Variants in GFPT1 observed in about 807,000 individuals in gnomAD.
The protein encoded by GFPT1 is glutamine--fructose-6-phosphate aminotransferase [isomerizing] 1.
Under a neutral mutation model 92.0 loss-of-function variants are expected in GFPT1, and 40 were observed. The ratio of observed to expected loss-of-function variants is 0.43; its 90% CI spans 0.34 to 0.57. The LOEUF (loss-of-function observed/expected upper bound fraction) is 0.57, where lower values mean the gene tolerates loss of function less well. Among genes scored for constraint, GFPT1 ranks in the 20% least tolerant of loss-of-function variants. The probability of loss-of-function intolerance (pLI) is 0.02; values close to 1 mark genes in which losing one functional copy is unlikely to be tolerated. For synonymous variants in GFPT1, 269 were observed against 280.6 expected (o/e 0.96, Z 0.41); for missense variants, 448 against 869.1 (o/e 0.52, Z 6.09).
intron 1 of GFPT1, among the ~76,000 whole-genome samples, chr2:69,376,385 C>T (rs1020004685): frequency 6.6e-6 from 1 of 152,116 alleles, no homozygotes; most frequent in African/African-American, 2.4e-5. Context: ...GTGGCGTGCA[C>T]CTGTACTCCA....
At chr2:69,342,894 T>C (rs1473692569) in intron 12 of GFPT1, among the ~76,000 whole-genome samples, 1 of 152,158 alleles carries the variant, frequency 6.6e-6, no homozygotes, top group African/African-American at 2.4e-5. Flanking sequence ...GCCGTCCCCA[T>C]TCCCCTAATG....
rs1227887858 is a variant in GFPT1, at chr2:69,363,687, G to A, written c.224-17C>T. ...CTTGTTGCTCTGAAGAATATGAAAAGAAAAATTTCAATATTAAATCATGCT... is the reference window on the plus strand; with the variant it reads ...CTTGTTGCTCTGAAGAATATGAAAAAAAAAATTTCAATATTAAATCATGCT... On this transcript the variant is annotated splice_polypyrimidine_tract_variant and intron_variant, in intron 3 of 19. Coordinates refer to ENST00000357308, the MANE Select transcript of GFPT1 (RefSeq NM_001244710.2). 2 of 1,561,748 alleles carry A rather than the reference G, an allele frequency of 1.3e-6. No individual in the cohort carries two copies. The highest frequency in any genetic ancestry group is 1.8e-6 in the Non-Finnish European group (2 of 1,132,860).
At chr2:69,360,979 C>T (rs181705521) in intron 4 of GFPT1, among the ~76,000 whole-genome samples, 433 of 152,182 alleles carry the variant, frequency 2.8e-3, no homozygotes, top group Admixed American at 4.9e-3. Flanking sequence ...AGGTGATCCA[C>T]CTGCCTTGGC....
At chr2:69,354,741 G>A (rs983010140) in intron 7 of GFPT1, among the ~76,000 whole-genome samples, 173 bp from the exon 8 acceptor site, 1 of 152,176 alleles carries the variant, frequency 6.6e-6, no homozygotes, top group Admixed American at 6.5e-5. Flanking sequence ...ATTGGGCCAG[G>A]TGCAATGGCT....
intron 3 of GFPT1, among the ~76,000 whole-genome samples, chr2:69,364,597 T>C (rs186378533): frequency 7.2e-5 from 11 of 152,366 alleles, no homozygotes; most frequent in Middle Eastern, 3.4e-3. Context: ...AAACTGCAAC[T>C]ATGGAGTGCC....
intron 3 of GFPT1, among the ~76,000 whole-genome samples, chr2:69,366,326 T>A (rs887066520): frequency 2.6e-5 from 4 of 152,192 alleles, no homozygotes; most frequent in African/African-American, 9.7e-5. Flanking sequence ...ACATTTCTCA[T>A]AATAAATATT....
chr2:69,325,993 C>T lies in GFPT1; in HGVS notation c.*196G>A, dbSNP rs886056256. ...TATAGATTCCATTATTCAAAGTCCT[C>T]CACAAATTACTGGGAAAATGTAAGA... On this transcript the variant is annotated 3_prime_UTR_variant, in exon 20 of 20. Transcript: ENST00000357308. The T allele has an allele frequency of 1.4e-5, 8 of 554,532 alleles. No individual in the cohort carries two copies. Among genetic ancestry groups the T allele is most frequent in the Non-Finnish European group, 2.5e-5 (8 of 314,716 alleles). The allele number at this position is 554,532 out of a possible 1,614,324, so 34.4% of individuals were successfully genotyped here.
chr2:69,360,173 C>A (rs1158376737), intron 4 of GFPT1, among the ~76,000 whole-genome samples: 1 of 151,852 alleles, frequency 6.6e-6, no homozygotes, highest in Non-Finnish European at 1.5e-5. Flanking sequence ...ACTAAAAATA[C>A]AAAACATTAG....
intron 3 of GFPT1, among the ~76,000 whole-genome samples, chr2:69,364,339 T>A (rs1671555117): frequency 6.6e-6 from 1 of 152,118 alleles, no homozygotes; most frequent in Admixed American, 6.6e-5. Context: ...TAATAACAGA[T>A]AAAGTTAGGT....
chr2:69,384,688 C>T (rs1320142863), intron 1 of GFPT1, among the ~76,000 whole-genome samples: 2 of 81,188 alleles, frequency 2.5e-5, no homozygotes, highest in Non-Finnish European at 4.4e-5. Flanking sequence ...AGAGAGGCCC[C>T]GTCACAAAAA....
At chr2:69,340,777 C>T (rs918048420) in intron 13 of GFPT1, among the ~76,000 whole-genome samples, 2 of 152,122 alleles carry the variant, frequency 1.3e-5, no homozygotes, top group African/African-American at 4.8e-5. Flanking sequence ...GTCTTGGCAT[C>T]CACAAAACAA....
At position 69,321,606 on chromosome 2, in the gene GFPT1, T is replaced by C. The variant is rs374986642; in HGVS notation, c.*4583A>G. On this transcript the variant is annotated 3_prime_UTR_variant, in exon 20 of 20. Transcript: ENST00000357308. ...AGGAAGAAATGACCAACTGGCTCAG[T>C]AAACTAAACATTCATTTCAAAAATC... 7.0e-4 allele frequency: 107 copies of C among 152,338 alleles called. No homozygotes were observed. The highest frequency in any genetic ancestry group is 2.5e-3 in the African/African-American group (104 of 41,588). The allele number at this position is 152,338 out of a possible 1,614,324, so 9.4% of individuals were successfully genotyped here.
At position 69,359,372 on chromosome 2, in the gene GFPT1, TA is replaced by T. The variant is rs758532568; in HGVS notation, c.350-47del. The T allele has an allele frequency of 5.3e-6, 6 of 1,127,280 alleles. No homozygotes were observed. In the South Asian group the frequency reaches 7.4e-5, roughly 14 times the overall value. The allele number at this position is 1,127,280 out of a possible 1,614,324, so 69.8% of individuals were successfully genotyped here. On this transcript the variant is annotated intron_variant, in intron 4 of 19. Coordinates refer to ENST00000357308, the MANE Select transcript of GFPT1 (RefSeq NM_001244710.2). ...GAAGACAAAAAAGTTAGAAGTATGA[TA>T]AATCTAAAATAGCTATTACTCTAAC...
At chr2:69,354,118 A>C in intron 9 of GFPT1, 141 bp downstream of exon 9, 3 of 529,140 alleles carry the variant, frequency 5.7e-6, no homozygotes, top group Non-Finnish European at 3.2e-6. Context: ...AAATTAGAAA[A>C]ATGTCAAAAT....
chr2:69,379,402 C>A (rs1203263536), intron 1 of GFPT1, among the ~76,000 whole-genome samples: 1 of 152,092 alleles, frequency 6.6e-6, no homozygotes, highest in East Asian at 1.9e-4. Context: ...GCCTGTAGTC[C>A]CAGATACTTG....
intron 15 of GFPT1, among the ~76,000 whole-genome samples, chr2:69,330,341 C>G (rs1173472302): frequency 6.6e-6 from 1 of 152,106 alleles, no homozygotes; most frequent in African/African-American, 2.4e-5. Flanking sequence ...CACCTTATAA[C>G]CCATTGAATG....
rs1670968832 is a variant in GFPT1, at chr2:69,342,200, C to T, written c.1155G>A (p.Arg385=). Residue 385 remains arginine, a synonymous_variant, in exon 13 of 20, where the codon CGG becomes CGA. Transcript: ENST00000357308. ...KDHIKEIQRC[R]RLILIACGTS... Reference sequence around the variant, plus strand: ...TTCCACAAGCAATAAGAATCAAACGCCGGCATCTCTGGATCTCCTTTATGT... The same window carrying T: ...TTCCACAAGCAATAAGAATCAAACGTCGGCATCTCTGGATCTCCTTTATGT... The T allele has an allele frequency of 6.2e-7, 1 of 1,612,138 alleles. No individual in the cohort carries two copies. Among genetic ancestry groups the T allele is most frequent in the Admixed American group, 1.7e-5 (1 of 59,972 alleles).
intron 1 of GFPT1, among the ~76,000 whole-genome samples, chr2:69,380,844 A>G (rs1382981983): frequency 1.3e-5 from 2 of 152,116 alleles, no homozygotes; most frequent in Non-Finnish European, 2.9e-5. Context: ...GACCAATCCT[A>G]TTAATTCATC....
chr2:69,349,160 T>C (rs1338937750), intron 10 of GFPT1, among the ~76,000 whole-genome samples: 2 of 152,220 alleles, frequency 1.3e-5, no homozygotes, highest in South Asian at 2.1e-4. Context: ...TCTGTGATCA[T>C]TGTTTAAAAT....
Sources: gnomAD v4.1 joint callset for allele counts (sites outside exome capture counted in the v4.1 genomes callset) on GRCh38, gnomAD v4.1.1 for gene constraint, MANE v1.5 for transcripts, NCBI Gene and HGNC (gene_info 2026-07-23, HGNC 2026-07-21) for gene names.